The following CTDSP1 variants were observed in gnomAD, a reference collection of about 807,000 sequenced individuals.
CTDSP1 encodes CTD small phosphatase 1.
CTDSP1 carries 15 observed loss-of-function variants against 32.5 expected under a neutral mutation model. That is an observed-to-expected ratio of 0.46 (90% CI 0.31 to 0.71). CTDSP1 has a LOEUF of 0.71. CTDSP1 is among the 30% of genes least tolerant of loss of function. The pLI, the probability that CTDSP1 is intolerant of heterozygous loss-of-function variation, is 0.05. For synonymous variants in CTDSP1, 185 were observed against 145.4 expected (o/e 1.27, Z -1.96); for missense variants, 294 against 351.1 (o/e 0.84, Z 1.30).
Position 218,402,863 on chromosome 2 carries a change from G to A in CTDSP1, c.379-172G>A, listed in dbSNP as rs1172122192. The A allele has an allele frequency of 3.9e-5, 26 of 658,654 alleles. 1 individual carries two copies. The Admixed American group carries it at 4.6e-4, about 12-fold the overall frequency. The allele number at this position is 658,654 out of a possible 1,614,324, so 40.8% of individuals were successfully genotyped here. On this transcript the variant is annotated intron_variant, in intron 4 of 6. Coordinates refer to ENST00000273062, the MANE Select transcript of CTDSP1 (RefSeq NM_021198.3). Reference sequence around the variant, plus strand: ...GTGGAAGTTTTGATCGTTTTCTGGCGGGGGGTGGGTACAGTTTCCCCAGCA... The same window carrying A: ...GTGGAAGTTTTGATCGTTTTCTGGCAGGGGGTGGGTACAGTTTCCCCAGCA...
At chr2:218,397,862 G>A (rs1272169225), upstream of CTDSP1, among the ~76,000 whole-genome samples, 1 of 152,162 alleles carries the variant, frequency 6.6e-6, no homozygotes, top group African/African-American at 2.4e-5. Context: ...GGCTACCTCT[G>A]CCGCTTTGGG....
At chr2:218,397,596 C>T (rs1374810037), upstream of CTDSP1, among the ~76,000 whole-genome samples, 4 of 152,306 alleles carry the variant, frequency 2.6e-5, no homozygotes, top group East Asian at 7.7e-4. Flanking sequence ...CGTTCCTGCC[C>T]CTCCCCGTTT....
rs1432165803 is a variant in CTDSP1, at chr2:218,402,369, C to A, written c.342C>A (p.Phe114Leu). The A allele has an allele frequency of 6.2e-7, 1 of 1,613,390 alleles. No homozygotes were observed. Among genetic ancestry groups the A allele is most frequent in the Non-Finnish European group, 8.5e-7 (1 of 1,179,684 alleles). The change falls in exon 4 of 7, where the codon TTC becomes TTA. Residue 114 changes from phenylalanine (F) to leucine (L), a missense_variant. Coordinates refer to ENST00000273062, the MANE Select transcript of CTDSP1 (RefSeq NM_021198.3). ...SSFKPVNNAD[F>L]IIPVEIDGVV... Reference sequence around the variant, plus strand: ...CACAGCCAGTGAACAACGCGGACTTCATCATCCCTGTGGAGATTGATGGGG... The same window carrying A: ...CACAGCCAGTGAACAACGCGGACTTAATCATCCCTGTGGAGATTGATGGGG...
At chr2:218,398,614 C>T (rs1022666891), upstream of CTDSP1, 130 of 532,064 alleles carry the variant, frequency 2.4e-4, no homozygotes, top group South Asian at 9.4e-4. Context: ...CCCGGCTCCC[C>T]CTCGGCAGGG....
At position 218,400,121 on chromosome 2, in the gene CTDSP1, A is replaced by G; in HGVS notation, c.31A>G (p.Ser11Gly). 6.5e-7 allele frequency: 1 copy of G among 1,545,090 alleles called. No individual in the cohort carries two copies. Among genetic ancestry groups the G allele is most frequent in the South Asian group, 1.2e-5 (1 of 83,678 alleles). The change falls in exon 1 of 7, where the codon AGC becomes GGC. Residue 11 changes from serine to glycine, a missense_variant. Physicochemically the swap from Ser to Gly is moderately conservative, Grantham distance 56. Transcript: ENST00000273062. Reference protein sequence around the residue: MDSSAVITQISKEEARGPLRG... With the variant: MDSSAVITQIGKEEARGPLRG... ...CAGCTCGGCCGTCATTACTCAGATC[A>G]GCAAGGAGGAGGCTCGGGGCCCGCT...
chr2:218,400,971 G>T (rs544868846), intron 1 of CTDSP1: 1 of 447,494 alleles, frequency 2.2e-6, no homozygotes, highest in East Asian at 7.0e-5. Flanking sequence ...GCAGGGGGCC[G>T]GAGGGGGGTG....
rs1173494761 is a variant in CTDSP1 at position 218,401,408 on chromosome 2, G to A, written c.68-156G>A. Reference sequence around the variant, plus strand: ...TGCAGTTGATTGTGGAGCCCTGACAGGGGCGTTTCAGAGAAAGTCAGGAGC... The same window carrying A: ...TGCAGTTGATTGTGGAGCCCTGACAAGGGCGTTTCAGAGAAAGTCAGGAGC... On this transcript the variant is annotated intron_variant, in intron 1 of 6. Transcript: ENST00000273062. 4 of 763,356 alleles carry A rather than the reference G, an allele frequency of 5.2e-6. No homozygotes were observed. In the South Asian group the frequency reaches 5.3e-5, roughly 10 times the overall value. The allele number at this position is 763,356 out of a possible 1,614,324, so 47.3% of individuals were successfully genotyped here.
upstream of CTDSP1, among the ~76,000 whole-genome samples, chr2:218,397,104 T>C (rs1325868975): frequency 6.6e-6 from 1 of 152,018 alleles, no homozygotes; most frequent in Admixed American, 6.5e-5. Context: ...TGCCAAGACC[T>C]GAAGCTTTCT....
upstream of CTDSP1, chr2:218,398,876 A>C (rs531008608): frequency 6.5e-6 from 1 of 154,698 alleles, no homozygotes; most frequent in Non-Finnish European, 1.4e-5. Flanking sequence ...TTGCAGCGAG[A>C]AGACAGGGAC....
chr2:218,397,685 A>C (rs956673140), upstream of CTDSP1, among the ~76,000 whole-genome samples: 3 of 151,960 alleles, frequency 2.0e-5, no homozygotes, highest in Non-Finnish European at 4.4e-5. Context: ...GCATAAAGCG[A>C]CCTCCACCTG....
chr2:218,402,694 T>C, intron 4 of CTDSP1: 2 of 762,284 alleles, frequency 2.6e-6, no homozygotes, highest in Non-Finnish European at 4.9e-6. Flanking sequence ...CTGTCCAGCC[T>C]GTTCTCCATT....
upstream of CTDSP1, chr2:218,398,472 G>C (rs978688229): frequency 6.5e-7 from 1 of 1,528,744 alleles, no homozygotes; most frequent in Admixed American, 2.0e-5. Context: ...TCCAGCCCGG[G>C]GACCGGGGTA....
intron 1 of CTDSP1, chr2:218,400,561 G>A (rs993977633): frequency 7.0e-5 from 26 of 370,856 alleles, no homozygotes; most frequent in African/African-American, 4.9e-4. Context: ...CACCCCCCCG[G>A]GCTGCGGTCC....
At chr2:218,397,632 T>C (rs1696886491), upstream of CTDSP1, among the ~76,000 whole-genome samples, 1 of 152,130 alleles carries the variant, frequency 6.6e-6, no homozygotes, top group South Asian at 2.1e-4. Context: ...CATGATTTTA[T>C]TTTTCCTGGG....
At chr2:218,398,606 C>G, upstream of CTDSP1, 1 of 567,140 alleles carries the variant, frequency 1.8e-6, no homozygotes, top group Non-Finnish European at 2.8e-6. Flanking sequence ...CTCCCCTCCC[C>G]GGCTCCCCCT....
In CTDSP1 at chr2:218,400,134, C is replaced by A; in HGVS notation, c.44C>A (p.Ala15Asp). 1 of 1,545,632 alleles carries A rather than the reference C, an allele frequency of 6.5e-7. No individual in the cohort carries two copies. Among genetic ancestry groups the A allele is most frequent in the Non-Finnish European group, 8.7e-7 (1 of 1,145,318 alleles). The change falls in exon 1 of 7, where the codon GCT (alanine) becomes GAT (aspartate). Residue 15 changes from alanine to aspartate, a missense_variant. By Grantham distance (126) the Ala-to-Asp change is moderately radical. This residue lies in a region of CTDSP1 where 148 missense variants were observed against 113.3 expected (regional missense o/e 1.31). Transcript: ENST00000273062. ...ATTACTCAGATCAGCAAGGAGGAGGCTCGGGGCCCGCTGCGGGGCAAAGGT... is the reference window on the plus strand; with the variant it reads ...ATTACTCAGATCAGCAAGGAGGAGGATCGGGGCCCGCTGCGGGGCAAAGGT... ...AVITQISKEE[A>D]RGPLRGKGDQ... is the part of the protein sequence containing the mutation.
At position 218,400,559 on chromosome 2, in the gene CTDSP1, C is replaced by T. The variant is rs3795984; in HGVS notation, c.67+402C>T. On this transcript the variant is annotated intron_variant, in intron 1 of 6. Coordinates refer to ENST00000273062, the MANE Select transcript of CTDSP1 (RefSeq NM_021198.3). Reference sequence around the variant, plus strand: ...GCCCCACCCCCCACCCCCACCCCCCCGGGCTGCGGTCCGGTAGGGTCTTGG... The same window carrying T: ...GCCCCACCCCCCACCCCCACCCCCCTGGGCTGCGGTCCGGTAGGGTCTTGG... 8 of 373,358 alleles carry T rather than the reference C, an allele frequency of 2.1e-5. No individual in the cohort carries two copies. In the East Asian group the frequency reaches 2.8e-4, roughly 13 times the overall value. 23.1% of individuals were successfully genotyped at this position (373,358 alleles called of 1,614,324 possible).
chr2:218,396,542 T>G (rs538481532), upstream of CTDSP1: 4 of 152,452 alleles, frequency 2.6e-5, no homozygotes, highest in East Asian at 1.9e-4. Context: ...TGAGAAGAAT[T>G]TCCTCTTTCT....
At chr2:218,398,582 C>T, upstream of CTDSP1, 1 of 772,302 alleles carries the variant, frequency 1.3e-6, no homozygotes, top group Non-Finnish European at 1.9e-6. Flanking sequence ...CCCCTCCCGG[C>T]CCCCGCGCGG....
Sources: allele counts gnomAD v4.1 joint callset (sites outside exome capture counted in the v4.1 genomes callset), GRCh38; gene constraint gnomAD v4.1.1; regional missense constraint gnomAD v4.1.1; transcripts MANE v1.5; gene names NCBI Gene and HGNC (gene_info 2026-07-23, HGNC 2026-07-21).